The following NALF1 variants were observed in gnomAD, a reference collection of about 807,000 sequenced individuals.
NALF1 encodes NALCN channel auxiliary factor 1, also known as family with sequence similarity 155 member A.
In NALF1, 3 loss-of-function variants were observed where a neutral mutation model predicts 48.4. The observed-to-expected ratio is 0.06, with a 90% CI of 0.03 to 0.16. The LOEUF (loss-of-function observed/expected upper bound fraction) is 0.16. Ranked by LOEUF, NALF1 falls within the 10% of genes least tolerant of loss-of-function variation. The probability of loss-of-function intolerance (pLI) is 1.00; values close to 1 mark genes in which losing one functional copy is unlikely to be tolerated. For synonymous variants in NALF1, 262 were observed against 245.7 expected (o/e 1.07, Z -0.62); for missense variants, 526 against 571.5 (o/e 0.92, Z 0.81).
rs138776289 is a variant in NALF1, at chr13:107,256,076, A to G, written c.916-45321T>C. 2.8e-4 allele frequency among the ~76,000 whole-genome samples: 43 copies of G among 152,314 alleles called. 2 individuals carry two copies. The highest frequency in any genetic ancestry group is 1.0e-3 in the African/African-American group (43 of 41,572). On this transcript the variant is annotated intron_variant, in intron 1 of 2. Coordinates refer to ENST00000375915, the MANE Select transcript of NALF1 (RefSeq NM_001080396.3). ...TACTCATCCCGGCTCCAGAAAGCCC[A>G]TTTTTAAATTTTAATGAATTTTTCA...
intron 1 of NALF1, among the ~76,000 whole-genome samples, chr13:107,578,106 TGTG>T (rs1878204759): frequency 6.6e-6 from 1 of 152,228 alleles, no homozygotes; most frequent in Admixed American, 6.5e-5. Flanking sequence ...TTTTACTCAT[TGTG>T]TATCCAATCT....
intron 1 of NALF1, among the ~76,000 whole-genome samples, chr13:107,299,939 G>A (rs1430656968): frequency 6.6e-6 from 1 of 152,000 alleles, no homozygotes; most frequent in African/African-American, 2.4e-5. Flanking sequence ...TCCTTGCCCC[G>A]ACCTGAGCAT....
chr13:107,806,849 T>A (rs1022962697), intron 1 of NALF1, among the ~76,000 whole-genome samples: 1 of 152,206 alleles, frequency 6.6e-6, no homozygotes, highest in African/African-American at 2.4e-5. Flanking sequence ...TAAAAACCCC[T>A]GATTCATGGG....
chr13:107,671,089 G>C (rs575369672), intron 1 of NALF1, among the ~76,000 whole-genome samples: 1 of 151,858 alleles, frequency 6.6e-6, no homozygotes, highest in South Asian at 2.1e-4. Context: ...TAATGGAGTA[G>C]AACAAAAGTA....
Position 107,459,392 on chromosome 13 carries a change from A to AATAT in NALF1, c.916-248641_916-248638dup, listed in dbSNP as rs143428781. On this transcript the variant is annotated intron_variant, in intron 1 of 2. Coordinates refer to ENST00000375915, the MANE Select transcript of NALF1 (RefSeq NM_001080396.3). ...AAAAGCTTTTAAGGTAAAACATACA[A>AATAT]ATATATATATATATAAGGCCTGTTT... 3.3e-3 allele frequency among the ~76,000 whole-genome samples: 496 copies of AATAT among 150,618 alleles called. 11 individuals carry two copies. The South Asian group carries it at 0.054, about 16-fold the overall frequency.
chr13:107,571,829 G>A (rs768849002), intron 1 of NALF1, among the ~76,000 whole-genome samples: 26 of 152,170 alleles, frequency 1.7e-4, no homozygotes, highest in African/African-American at 5.3e-4. Context: ...GAATTGCTTG[G>A]TGTGCAAATA....
In NALF1 at chr13:107,194,052, C is replaced by A. The variant is rs397708438; in HGVS notation, c.1087+16532G>T. ...TCTATCTATCTATCTATCTATCTAT[C>A]TATCTATATATCAATCTATCGTTTT... On this transcript the variant is annotated intron_variant, in intron 2 of 2. Coordinates refer to ENST00000375915, the MANE Select transcript of NALF1 (RefSeq NM_001080396.3). 7.9e-4 allele frequency among the ~76,000 whole-genome samples: 64 copies of A among 80,548 alleles called. 1 individual carries two copies. The highest frequency in any genetic ancestry group is 5.6e-3 in the East Asian group (15 of 2,668). 52.8% of individuals were successfully genotyped at this position (80,548 alleles called of 152,430 possible).
In NALF1 at chr13:107,581,823, A is replaced by G. The variant is rs369887460; in HGVS notation, c.915+283859T>C. On this transcript the variant is annotated intron_variant, in intron 1 of 2. Coordinates refer to ENST00000375915, the MANE Select transcript of NALF1 (RefSeq NM_001080396.3). ...CCATATCAGACCCTCATCAATTCAC[A>G]TACAGTTCATTAAAATAGTCTCCCA... Among the ~76,000 whole-genome samples the G allele has an allele frequency of 1.6e-4, 24 of 152,268 alleles. 1 individual carries two copies. Among genetic ancestry groups the G allele is most frequent in the African/African-American group, 5.8e-4 (24 of 41,584 alleles).
intron 1 of NALF1, among the ~76,000 whole-genome samples, chr13:107,547,975 AT>A (rs953660492): frequency 6.6e-6 from 1 of 151,970 alleles, no homozygotes; most frequent in East Asian, 1.9e-4. Context: ...GCCCCTTCCT[AT>A]TTTTTTTAAA....
rs117735109 is a variant in NALF1 at position 107,719,870 on chromosome 13, T to C, written c.915+145812A>G. On this transcript the variant is annotated intron_variant, in intron 1 of 2. Coordinates refer to ENST00000375915, the MANE Select transcript of NALF1 (RefSeq NM_001080396.3). ...CCTGGGCTCCCCTTGCCGAACTTCA[T>C]TGCAAATATGACTGCATGGCTGATT... Among the ~76,000 whole-genome samples, 632 of 152,320 alleles carry C rather than the reference T, an allele frequency of 4.1e-3. 4 individuals are homozygous for C. Among genetic ancestry groups the C allele is most frequent in the Non-Finnish European group, 6.3e-3 (430 of 68,026 alleles).
intron 1 of NALF1, among the ~76,000 whole-genome samples, chr13:107,457,853 T>A (rs1884848944): frequency 6.6e-6 from 1 of 152,216 alleles, no homozygotes; most frequent in African/African-American, 2.4e-5. Flanking sequence ...CTTGTGCAAC[T>A]ACACAAGAGC....
intron 1 of NALF1, among the ~76,000 whole-genome samples, chr13:107,706,041 G>C (rs1196225270): frequency 2.6e-5 from 4 of 152,084 alleles, no homozygotes; most frequent in African/African-American, 9.7e-5. Flanking sequence ...GAAAGAATCA[G>C]TTTTATCTCT....
At chr13:107,769,221 C>T (rs1594254433) in intron 1 of NALF1, among the ~76,000 whole-genome samples, 1 of 148,576 alleles carries the variant, frequency 6.7e-6, no homozygotes, top group African/African-American at 2.5e-5. Context: ...AATCATGCTG[C>T]TATAAAGACA....
At chr13:107,261,350 C>T (rs1339986332) in intron 1 of NALF1, among the ~76,000 whole-genome samples, 1 of 152,154 alleles carries the variant, frequency 6.6e-6, no homozygotes, top group African/African-American at 2.4e-5. Flanking sequence ...ATCCCTGGAT[C>T]CTGCCACATC....
intron 1 of NALF1, among the ~76,000 whole-genome samples, chr13:107,224,301 T>C (rs1880056497): frequency 6.6e-6 from 1 of 151,722 alleles, no homozygotes; most frequent in Non-Finnish European, 1.5e-5. Flanking sequence ...ATGCAAAACA[T>C]GTAATAAAAT....
chr13:107,781,002 T>C (rs989859747), intron 1 of NALF1, among the ~76,000 whole-genome samples: 1 of 152,200 alleles, frequency 6.6e-6, no homozygotes, highest in Admixed American at 6.5e-5. Context: ...GGATAATATA[T>C]GCTAAGTGTT....
intron 1 of NALF1, among the ~76,000 whole-genome samples, chr13:107,564,440 G>T (rs1323921210): frequency 6.6e-6 from 1 of 152,150 alleles, no homozygotes; most frequent in Admixed American, 6.5e-5. Context: ...TCAAACCACA[G>T]CCTTTCAACA....
chr13:107,782,109 A>G (rs903132639), intron 1 of NALF1, among the ~76,000 whole-genome samples: 10 of 152,166 alleles, frequency 6.6e-5, no homozygotes, highest in Admixed American at 2.6e-4. Context: ...GCCGAGCCGA[A>G]GCTGGACTGT....
intron 1 of NALF1, among the ~76,000 whole-genome samples, chr13:107,246,640 C>G (rs1443340127): frequency 6.6e-6 from 1 of 152,158 alleles, no homozygotes; most frequent in African/African-American, 2.4e-5. Flanking sequence ...TGATCAAGAA[C>G]ATTTTTCTAT....
Sources: allele counts gnomAD v4.1 joint callset (sites outside exome capture counted in the v4.1 genomes callset), GRCh38; gene constraint gnomAD v4.1.1; transcripts MANE v1.5; gene names NCBI Gene and HGNC (gene_info 2026-07-23, HGNC 2026-07-21).